Variants in KDM4B observed in about 807,000 individuals in gnomAD.
KDM4B encodes lysine-specific demethylase 4B.
Under a neutral mutation model 125.2 loss-of-function variants are expected in KDM4B, and 32 were observed. That is an observed-to-expected ratio of 0.26 (90% CI 0.19 to 0.34). The LOEUF (loss-of-function observed/expected upper bound fraction) is 0.34. KDM4B is among the 10% of genes least tolerant of loss of function. The pLI, the probability that KDM4B is intolerant of heterozygous loss-of-function variation, is 1.00. For synonymous variants in KDM4B, 721 were observed against 677.9 expected (o/e 1.06, Z -0.99); for missense variants, 1,190 against 1,577.7 (o/e 0.75, Z 4.16).
At chr19:5,014,712 T>C (rs2035836946) in intron 1 of KDM4B, among the ~76,000 whole-genome samples, 1 of 152,090 alleles carries the variant, frequency 6.6e-6, no homozygotes, top group Admixed American at 6.5e-5. Context: ...CTACTTGGTG[T>C]TATTTAAAAG....
intron 2 of KDM4B, among the ~76,000 whole-genome samples, chr19:5,024,194 CTG>C (rs1032401818): frequency 6.6e-6 from 1 of 152,146 alleles, no homozygotes; most frequent in Non-Finnish European, 1.5e-5. Context: ...AGAGTGGACT[CTG>C]GGGTCAAGGA....
In KDM4B at chr19:5,151,350, G is replaced by A; in HGVS notation, c.3130G>A (p.Ala1044Thr). The A allele has an allele frequency of 1.3e-6, 2 of 1,566,222 alleles. No homozygotes were observed. The highest frequency in any genetic ancestry group is 1.4e-5 in the African/African-American group (1 of 71,630). ...VRSRLSLSTG[A>T]PQEPAFSGEE... ...TCTCCCGCAGTCACTGAGCACGGGG[G>A]CACCGCAGGAGCCCGCCTTCTCGGG... Residue 1044 changes from alanine (A) to threonine (T), a missense_variant, in exon 23 of 23, where the codon GCA becomes ACA. Ala to Thr is a moderately conservative substitution (Grantham distance 58). Around this residue, in one of 7 missense-constraint regions of KDM4B, gnomAD observed 109 missense variants for 93.8 expected, o/e 1.16. Transcript: ENST00000159111.
intron 1 of KDM4B, among the ~76,000 whole-genome samples, chr19:4,973,004 G>A (rs1333788366): frequency 6.6e-6 from 1 of 152,142 alleles, no homozygotes; most frequent in Non-Finnish European, 1.5e-5. Flanking sequence ...CCTTGCCCAG[G>A]CTTGCTTGGC....
chr19:5,145,680 G>A (rs1181533407), intron 21 of KDM4B, among the ~76,000 whole-genome samples: 3 of 152,164 alleles, frequency 2.0e-5, no homozygotes, highest in Non-Finnish European at 2.9e-5. Context: ...TCGCTCCCAA[G>A]CCTGGTGCCG....
At chr19:5,047,373 G>C in intron 5 of KDM4B, 103 bp from the exon 6 acceptor site, 1 of 1,099,654 alleles carries the variant, frequency 9.1e-7, no homozygotes, top group Non-Finnish European at 1.3e-6. Context: ...GAGGAGGATG[G>C]GCAGCGACCC....
At chr19:5,087,390 C>T (rs1330846290) in intron 9 of KDM4B, among the ~76,000 whole-genome samples, 1 of 152,204 alleles carries the variant, frequency 6.6e-6, no homozygotes, top group Non-Finnish European at 1.5e-5. Flanking sequence ...CCTGCTCATC[C>T]CCTATGAAAC....
chr19:5,096,419 C>T (rs1001795094), intron 9 of KDM4B, among the ~76,000 whole-genome samples: 19 of 152,140 alleles, frequency 1.2e-4, no homozygotes, highest in East Asian at 9.6e-4. Flanking sequence ...CTACCCCATC[C>T]GGACTCCTGG....
intron 8 of KDM4B, chr19:5,079,239 CCTGGTGT>C (rs1302728183): frequency 1.3e-5 from 2 of 152,170 alleles, no homozygotes; most frequent in Non-Finnish European, 2.9e-5. Context: ...TTTCTCCGTG[CCTGGTGT>C]CTGGGGCCGC....
intron 2 of KDM4B, among the ~76,000 whole-genome samples, chr19:5,031,864 G>A (rs1297547381): frequency 6.6e-6 from 1 of 152,220 alleles, no homozygotes; most frequent in African/African-American, 2.4e-5. Context: ...GGACTGTCTG[G>A]GCGGCTCCCT....
intron 15 of KDM4B, among the ~76,000 whole-genome samples, chr19:5,136,128 A>T (rs2039644402): frequency 6.6e-6 from 1 of 152,234 alleles, no homozygotes; most frequent in Non-Finnish European, 1.5e-5. Flanking sequence ...CCCTCTGGAC[A>T]GTTCTGCCGA....
chr19:5,026,251 G>A (rs2036274323), intron 2 of KDM4B, among the ~76,000 whole-genome samples: 1 of 146,986 alleles, frequency 6.8e-6, no homozygotes. Flanking sequence ...AGGAGCAGCT[G>A]TAGAATCTGC....
intron 6 of KDM4B, 40 bp from the exon 7 acceptor site, chr19:5,070,970 C>G (rs372055947): frequency 6.2e-7 from 1 of 1,611,018 alleles, no homozygotes; most frequent in Non-Finnish European, 8.5e-7. Flanking sequence ...TGCGTGGCTG[C>G]CACCGATCTT....
intron 5 of KDM4B, chr19:5,047,234 G>A: frequency 2.1e-6 from 1 of 479,466 alleles, no homozygotes. Context: ...AGCCTGGGAG[G>A]TTGAGGCTGC....
chr19:5,010,587 T>G (rs760838015), intron 1 of KDM4B, among the ~76,000 whole-genome samples: 1 of 152,236 alleles, frequency 6.6e-6, no homozygotes, highest in Non-Finnish European at 1.5e-5. Context: ...TTGACACTTA[T>G]GAAGGAGAAT....
intron 5 of KDM4B, among the ~76,000 whole-genome samples, chr19:5,042,797 G>A (rs1422404203): frequency 2.0e-5 from 3 of 151,536 alleles, no homozygotes; most frequent in Non-Finnish European, 2.9e-5. Flanking sequence ...ATCCACCCAC[G>A]GTGCAGCCAC....
chr19:5,026,070 A>G (rs2036268662), intron 2 of KDM4B, among the ~76,000 whole-genome samples: 1 of 150,714 alleles, frequency 6.6e-6, no homozygotes, highest in African/African-American at 2.4e-5. Flanking sequence ...TTTAGTAGAG[A>G]TGGGAGTTTC....
At position 5,135,333 on chromosome 19, in the gene KDM4B, C is replaced by G. The variant is rs374737107; in HGVS notation, c.2086-6C>G. ...CTGTCCCCTGAAGGTCGCCTCTCCC[C>G]TACAGGCCCTACAGACTGAGAAGGA... On this transcript the variant is annotated splice_region_variant and splice_polypyrimidine_tract_variant and intron_variant, in intron 14 of 22. Coordinates refer to ENST00000159111, the MANE Select transcript of KDM4B (RefSeq NM_015015.3). 2.5e-6 allele frequency: 4 copies of G among 1,603,124 alleles called. No individual in the cohort carries two copies. The highest frequency in any genetic ancestry group is 3.4e-6 in the Non-Finnish European group (4 of 1,171,054).
intron 1 of KDM4B, among the ~76,000 whole-genome samples, chr19:5,005,709 A>G (rs561480785): frequency 2.2e-4 from 33 of 152,256 alleles, no homozygotes; most frequent in Middle Eastern, 6.8e-3. Context: ...GCTCTGTACC[A>G]TGTCCTCACC....
At chr19:5,127,764 C>T (rs1259814936) in intron 11 of KDM4B, among the ~76,000 whole-genome samples, 1 of 152,172 alleles carries the variant, frequency 6.6e-6, no homozygotes. Flanking sequence ...AGAGGACAGC[C>T]CCCGGGAGGC....
Sources: allele counts gnomAD v4.1 joint callset (sites outside exome capture counted in the v4.1 genomes callset), GRCh38; gene constraint gnomAD v4.1.1; regional missense constraint gnomAD v4.1.1; transcripts MANE v1.5; gene names NCBI Gene and HGNC (gene_info 2026-07-23, HGNC 2026-07-21).